Variants in CFH observed in about 807,000 individuals in gnomAD.
CFH encodes the protein H factor 1 (complement).
CFH carries 53 observed loss-of-function variants against 147.3 expected under a neutral mutation model. The ratio of observed to expected loss-of-function variants is 0.36; its 90% CI spans 0.29 to 0.45. The LOEUF is 0.45. Ranked by LOEUF, CFH falls within the 20% of genes least tolerant of loss-of-function variation. CFH has a pLI of 1.00. For synonymous variants in CFH, 536 were observed against 489.4 expected (o/e 1.10, Z -1.26); for missense variants, 1,380 against 1,498.0 (o/e 0.92, Z 1.30).
intron 9 of CFH, among the ~76,000 whole-genome samples, chr1:196,706,690 C>T (rs576996886): frequency 6.6e-6 from 1 of 152,094 alleles, no homozygotes; most frequent in Non-Finnish European, 1.5e-5. Flanking sequence ...GGCATGCCAC[C>T]CTTCAATTGA....
At chr1:196,696,560 G>C (rs1668279230) in intron 9 of CFH, among the ~76,000 whole-genome samples, 1 of 152,014 alleles carries the variant, frequency 6.6e-6, no homozygotes, top group Admixed American at 6.6e-5. Flanking sequence ...AATAGAGCTT[G>C]ATGGGGATGG....
intron 1 of CFH, among the ~76,000 whole-genome samples, chr1:196,656,978 G>A (rs951961012): frequency 1.3e-5 from 2 of 151,880 alleles, no homozygotes; most frequent in Admixed American, 6.6e-5. Context: ...TTGTTTGTTT[G>A]TTTGTTTGTT....
chr1:196,727,541 G>A (rs1573067338), intron 14 of CFH, among the ~76,000 whole-genome samples: 1 of 152,030 alleles, frequency 6.6e-6, no homozygotes, highest in East Asian at 1.9e-4. Context: ...TTAAATATGA[G>A]TACTAATTAC....
In CFH at chr1:196,713,816, C is replaced by T. The variant is rs371053403; in HGVS notation, c.1418C>T (p.Ala473Val). The change falls in exon 10 of 22, where the codon GCG (alanine) becomes GTG (valine). Residue 473 changes from alanine to valine, a missense_variant. Physicochemically the swap from Ala to Val is moderately conservative, Grantham distance 64. Transcript: ENST00000367429. ...SQYTYALKEK[A>V]KYQCKLGYVT... ...TATACATATGCCTTAAAAGAAAAAG[C>T]GAAATATCAATGCAAACTAGGATAT... 7.0e-5 allele frequency: 113 copies of T among 1,611,422 alleles called. No homozygotes were observed. Among genetic ancestry groups the T allele is most frequent in the Admixed American group, 1.2e-4 (7 of 59,816 alleles).
At chr1:196,708,067 T>C (rs1392337979) in intron 9 of CFH, among the ~76,000 whole-genome samples, 4 of 152,192 alleles carry the variant, frequency 2.6e-5, no homozygotes, top group Non-Finnish European at 1.5e-5. Context: ...TGCCACTCAT[T>C]ATGTGGACAT....
chr1:196,739,221 C>A (rs1652713179), intron 17 of CFH, among the ~76,000 whole-genome samples: 2 of 152,216 alleles, frequency 1.3e-5, no homozygotes, highest in South Asian at 2.1e-4. Flanking sequence ...AGGCCTCTGA[C>A]ATGCCCCGGA....
intron 5 of CFH, chr1:196,678,285 C>T (rs1264881287): frequency 6.5e-6 from 1 of 153,360 alleles, no homozygotes; most frequent in African/African-American, 2.4e-5. Context: ...AAACTGTAAG[C>T]CAGGATTTTT....
At position 196,742,112 on chromosome 1, in the gene CFH, C is replaced by A. The variant is rs932074718; in HGVS notation, c.3133+61C>A. The A allele has an allele frequency of 6.5e-6, 10 of 1,526,862 alleles. No homozygotes were observed. The African/African-American group carries it at 1.1e-4, about 17-fold the overall frequency. 94.6% of individuals were successfully genotyped at this position (1,526,862 alleles called of 1,614,324 possible). On this transcript the variant is annotated intron_variant, in intron 19 of 21. Coordinates refer to ENST00000367429, the MANE Select transcript of CFH (RefSeq NM_000186.4). ...TGTGTGGGCCCAGCCCAGTGGCTGG[C>A]GCCTGTAATCCCAGCACTTTGGGAG...
intron 15 of CFH, among the ~76,000 whole-genome samples, chr1:196,728,746 C>G (rs911155966): frequency 6.6e-6 from 1 of 151,732 alleles, no homozygotes; most frequent in Non-Finnish European, 1.5e-5. Flanking sequence ...CACACACACA[C>G]ACACACACAC....
rs1450246119 is a variant in CFH, at chr1:196,719,686, G to A, written c.1696+3917G>A. ...AAAATAATATTTTGGATAATATTTA[G>A]TAATGTTGCTGATTTTTAAAAATTA... On this transcript the variant is annotated intron_variant, in intron 11 of 21. Transcript: ENST00000367429. 3.3e-5 allele frequency among the ~76,000 whole-genome samples: 5 copies of A among 151,702 alleles called. No individual in the cohort carries two copies. The East Asian group carries it at 9.7e-4, about 29-fold the overall frequency.
At chr1:196,734,822 C>T (rs1056813044) in intron 15 of CFH, among the ~76,000 whole-genome samples, 2 of 152,040 alleles carry the variant, frequency 1.3e-5, no homozygotes, top group East Asian at 3.9e-4. Flanking sequence ...TTTAAATTTT[C>T]TCCATTTGCT....
intron 10 of CFH, among the ~76,000 whole-genome samples, chr1:196,714,767 C>T (rs1668828166): frequency 7.0e-6 from 1 of 142,754 alleles, no homozygotes; most frequent in African/African-American, 2.6e-5. Context: ...GTGGCATGAT[C>T]TTGGCTCACT....
At chr1:196,687,268 T>C (rs1354077031) in intron 7 of CFH, among the ~76,000 whole-genome samples, 5 of 152,042 alleles carry the variant, frequency 3.3e-5, no homozygotes, top group Admixed American at 6.6e-5. Flanking sequence ...TTTGTAGAAG[T>C]GTAACAAGTA....
chr1:196,724,993 G>C (rs1165958703), intron 11 of CFH, 128 bp from the exon 12 acceptor site: 2 of 709,354 alleles, frequency 2.8e-6, no homozygotes, highest in East Asian at 5.5e-5. Context: ...TTCTTTACAG[G>C]GAAAAGGATT....
intron 1 of CFH, among the ~76,000 whole-genome samples, chr1:196,663,340 A>G (rs6680396): frequency 0.22 from 33,459 of 151,980 alleles, 4,029 homozygotes; most frequent in East Asian, 0.34. Context: ...TCTTTTTACA[A>G]CTGTGTTATC....
intron 6 of CFH, among the ~76,000 whole-genome samples, chr1:196,680,926 G>A (rs970277506): frequency 6.6e-6 from 1 of 151,836 alleles, no homozygotes; most frequent in African/African-American, 2.4e-5. Flanking sequence ...GCACTGTTAA[G>A]AGAATATTTT....
chr1:196,665,844 T>C (rs1292094413), intron 1 of CFH, among the ~76,000 whole-genome samples: 27 of 152,286 alleles, frequency 1.8e-4, no homozygotes, highest in Admixed American at 1.7e-3. Context: ...TGACCTCAGG[T>C]GATCCACCCA....
chr1:196,684,677 A>G (rs773331220), intron 6 of CFH, among the ~76,000 whole-genome samples: 1 of 152,016 alleles, frequency 6.6e-6, no homozygotes, highest in Non-Finnish European at 1.5e-5. Flanking sequence ...GCGCAGTCCT[A>G]TCAATTGTCC....
intron 11 of CFH, among the ~76,000 whole-genome samples, chr1:196,718,543 T>C (rs962674007): frequency 5.3e-5 from 8 of 152,030 alleles, no homozygotes; most frequent in African/African-American, 1.9e-4. Context: ...GCATGGATCA[T>C]AAAGAGGTTG....
Sources: gnomAD v4.1 joint callset for allele counts (sites outside exome capture counted in the v4.1 genomes callset) on GRCh38, gnomAD v4.1.1 for gene constraint, MANE v1.5 for transcripts, NCBI Gene and HGNC (gene_info 2026-07-23, HGNC 2026-07-21) for gene names.